The following GRM8 variants were observed in gnomAD, a reference collection of about 807,000 sequenced individuals.
GRM8 encodes metabotropic glutamate receptor 8.
Under a neutral mutation model 87.2 loss-of-function variants are expected in GRM8, and 47 were observed. The ratio of observed to expected loss-of-function variants is 0.54; its 90% confidence interval spans 0.43 to 0.69. The LOEUF is 0.69. Among genes scored for constraint, GRM8 ranks in the 30% least tolerant of loss-of-function variants. The pLI is 0.00. For missense variants in GRM8, 1,019 were observed against 1,139.2 expected, an observed-to-expected ratio of 0.89 and a Z score of 1.52; for synonymous variants, 396 against 404.5, an observed-to-expected ratio of 0.98 and a Z score of 0.25.
At chr7:126,624,067 T>C (rs1217914127) in intron 7 of GRM8, among the ~76,000 whole-genome samples, 1 of 152,146 alleles carries the variant, frequency 6.6e-6, no homozygotes, top group Non-Finnish European at 1.5e-5. Context: ...CTATAACCTC[T>C]CCCTGAACTC....
chr7:127,242,788 G>T lies in GRM8; in HGVS notation c.417C>A (p.Pro139=). The change falls in exon 2 of 11, where the codon CCC becomes CCA. Residue 139 remains proline (P), a synonymous_variant. Transcript: ENST00000339582. The stretch of plus-strand genomic sequence containing the variant: ...AAATCTTGTCGGGCTTGGTGAAAAT[G>T]GGTGGATCTCCATTAGCACACTTCA... The part of the protein sequence containing the change: ...SDVKCANGDP[P]IFTKPDKISG... 1.2e-6 allele frequency: 2 copies of T among 1,614,144 alleles called. No homozygotes were observed. The highest frequency in any genetic ancestry group is 2.2e-5 in the South Asian group (2 of 91,076).
At chr7:126,721,788 C>T (rs1812416481) in intron 7 of GRM8, among the ~76,000 whole-genome samples, 1 of 152,086 alleles carries the variant, frequency 6.6e-6, no homozygotes, top group Non-Finnish European at 1.5e-5. Context: ...CTCTAAGTCT[C>T]TCTACCCCAT....
chr7:127,078,907 T>C (rs11563728), intron 3 of GRM8, among the ~76,000 whole-genome samples: 24,276 of 152,068 alleles, frequency 0.16, 2,225 homozygotes, highest in Non-Finnish European at 0.21. Context: ...AGATAAACAA[T>C]CGGTTGGTGA....
At chr7:127,050,708 T>C (rs1819380224) in intron 3 of GRM8, among the ~76,000 whole-genome samples, 1 of 152,204 alleles carries the variant, frequency 6.6e-6, no homozygotes, top group African/African-American at 2.4e-5. Context: ...CACATTCTGA[T>C]AACTCTGCAA....
chr7:126,972,234 G>A (rs1810502708), intron 3 of GRM8, among the ~76,000 whole-genome samples: 1 of 152,034 alleles, frequency 6.6e-6, no homozygotes, highest in African/African-American at 2.4e-5. Flanking sequence ...CAGTACTGTG[G>A]GTCAAATAAC....
At chr7:126,900,308 A>G (rs1392713048) in intron 6 of GRM8, among the ~76,000 whole-genome samples, 1 of 152,148 alleles carries the variant, frequency 6.6e-6, no homozygotes, top group Admixed American at 6.5e-5. Flanking sequence ...AACTAATTAC[A>G]TCACCATTTT....
intron 7 of GRM8, among the ~76,000 whole-genome samples, chr7:126,642,249 T>C (rs752985569): frequency 1.3e-5 from 2 of 152,222 alleles, no homozygotes; most frequent in South Asian, 2.1e-4. Flanking sequence ...TGAAGGTATT[T>C]GATGCTCATC....
chr7:126,725,521 C>T (rs1195233730), intron 7 of GRM8, among the ~76,000 whole-genome samples: 1 of 152,168 alleles, frequency 6.6e-6, no homozygotes, highest in East Asian at 1.9e-4. Context: ...AGAATGTCTT[C>T]TGGCTTCCAA....
intron 3 of GRM8, among the ~76,000 whole-genome samples, chr7:126,967,499 A>T (rs963820492): frequency 1.3e-5 from 2 of 152,080 alleles, no homozygotes; most frequent in Admixed American, 1.3e-4. Flanking sequence ...GCAAGAATAA[A>T]TGCCTCACAA....
At chr7:127,058,771 T>C (rs993822907) in intron 3 of GRM8, among the ~76,000 whole-genome samples, 1 of 151,996 alleles carries the variant, frequency 6.6e-6, no homozygotes, top group African/African-American at 2.4e-5. Context: ...ACAAGCAGAG[T>C]CTCCGTGTTA....
chr7:127,002,283 A>C (rs1194898767), intron 3 of GRM8, among the ~76,000 whole-genome samples: 1 of 151,704 alleles, frequency 6.6e-6, no homozygotes, highest in Admixed American at 6.6e-5. Context: ...GACAGAGTGC[A>C]TCATCAACGC....
chr7:126,803,414 C>T (rs985791433), intron 6 of GRM8, among the ~76,000 whole-genome samples: 2 of 152,134 alleles, frequency 1.3e-5, no homozygotes, highest in African/African-American at 4.8e-5. Flanking sequence ...GAGGAGGGAA[C>T]TCTAATCATA....
At chr7:127,210,373 G>A (rs1230898236) in intron 2 of GRM8, among the ~76,000 whole-genome samples, 1 of 152,164 alleles carries the variant, frequency 6.6e-6, no homozygotes, top group East Asian at 1.9e-4. Context: ...CTTATGAGCT[G>A]GGCATTGGCT....
chr7:126,869,408 A>G (rs1798888991), intron 6 of GRM8: 1 of 152,064 alleles, frequency 6.6e-6, no homozygotes, highest in South Asian at 2.1e-4. Context: ...AGAATTATGA[A>G]TTTTTTCTAG....
intron 7 of GRM8, among the ~76,000 whole-genome samples, chr7:126,743,641 T>C (rs1249313632): frequency 6.6e-6 from 1 of 152,182 alleles, no homozygotes; most frequent in African/African-American, 2.4e-5. Context: ...TATTAAAATT[T>C]TCAATCAAAG....
chr7:127,250,797 C>A (rs1398988352), intron 1 of GRM8: 1 of 152,178 alleles, frequency 6.6e-6, no homozygotes, highest in African/African-American at 2.4e-5. Context: ...AATTTCATAA[C>A]GGAAAGTGGA....
chr7:127,243,278 G>T lies in GRM8; in HGVS notation c.-74C>A. 1 of 1,369,770 alleles carries T rather than the reference G, an allele frequency of 7.3e-7. No individual in the cohort carries two copies. The highest frequency in any genetic ancestry group is 1.0e-6 in the Non-Finnish European group (1 of 1,004,442). 84.9% of individuals were successfully genotyped at this position (1,369,770 alleles called of 1,614,324 possible). On this transcript the variant is annotated 5_prime_UTR_variant, in exon 2 of 11. Coordinates refer to ENST00000339582, the MANE Select transcript of GRM8 (RefSeq NM_000845.3). The stretch of plus-strand genomic sequence containing the variant: ...CACAGAAGAAAGGGCACCACCTGAG[G>T]CTGCACCTTCTGGAGGCTACCATCA...
chr7:126,448,569 C>G (rs1802273981), intron 9 of GRM8, among the ~76,000 whole-genome samples: 1 of 151,896 alleles, frequency 6.6e-6, no homozygotes, highest in Non-Finnish European at 1.5e-5. Flanking sequence ...ATCCTTTTGG[C>G]AAGCCAACTC....
At chr7:126,547,172 A>G (rs187748714) in intron 8 of GRM8, among the ~76,000 whole-genome samples, 2 of 152,354 alleles carry the variant, frequency 1.3e-5, no homozygotes, top group Non-Finnish European at 2.9e-5. Context: ...ATCCAAGTGC[A>G]AAGAGTTTTA....
Sources: gnomAD v4.1 joint callset for allele counts (sites outside exome capture counted in the v4.1 genomes callset) on GRCh38, gnomAD v4.1.1 for gene constraint, MANE v1.5 for transcripts, NCBI Gene and HGNC (gene_info 2026-07-23, HGNC 2026-07-21) for gene names.